FEZF1: variants seen among roughly 807,000 people sequenced by gnomAD.
The protein encoded by FEZF1 is fez family zinc finger protein 1.
FEZF1 carries 8 observed loss-of-function variants against 32.4 expected under a neutral mutation model. The observed-to-expected ratio is 0.25, with a 90% CI of 0.15 to 0.45. The LOEUF is 0.45. Ranked by LOEUF, FEZF1 falls within the 20% of genes least tolerant of loss-of-function variation. FEZF1 has a pLI of 1.00. For synonymous variants in FEZF1, 259 were observed against 265.2 expected (o/e 0.98, Z 0.23); for missense variants, 546 against 622.3 (o/e 0.88, Z 1.31).
chr7:122,304,945 C>A (rs1045236017), upstream of FEZF1: 1 of 149,106 alleles, frequency 6.7e-6, no homozygotes, highest in Non-Finnish European at 1.5e-5. Context: ...CGCACCCCCC[C>A]ATCCCCACCC....
rs908618608 is a variant in FEZF1 at position 122,301,717 on chromosome 7, C to T, written c.*280G>A. 11 of 389,298 alleles carry T rather than the reference C, an allele frequency of 2.8e-5. No homozygotes were observed. The highest frequency in any genetic ancestry group is 2.1e-4 in the African/African-American group (10 of 47,998). 24.1% of individuals were successfully genotyped at this position (389,298 alleles called of 1,614,324 possible). On this transcript the variant is annotated 3_prime_UTR_variant, in exon 4 of 4. Transcript: ENST00000442488. ...CATCTCTCCACCCAAGATGAAAAGT[C>T]TTTCCAAATTAAAAAAAAAGAAAAA... is the stretch of plus-strand genomic sequence containing the variant.
rs2031209876 is a variant in FEZF1 at position 122,304,557 on chromosome 7, T to C, written c.-120A>G. ...ACCATCACCACCAGTAGCCTCCTCC[T>C]CCTCCTCCTCCCCAGCATCACCAGC... On this transcript the variant is annotated 5_prime_UTR_variant, in exon 1 of 4. Coordinates refer to ENST00000442488, the MANE Select transcript of FEZF1 (RefSeq NM_001024613.4). 1 of 726,962 alleles carries C rather than the reference T, an allele frequency of 1.4e-6. No individual in the cohort carries two copies. Among genetic ancestry groups the C allele is most frequent in the Non-Finnish European group, 2.1e-6 (1 of 473,898 alleles). 45.0% of individuals were successfully genotyped at this position (726,962 alleles called of 1,614,324 possible). A position where few individuals can be genotyped will look rare whatever the true frequency, so the allele number is the denominator to read the frequency against.
upstream of FEZF1, chr7:122,304,751 A>G (rs776299032): frequency 2.4e-5 from 8 of 334,316 alleles, no homozygotes; most frequent in Non-Finnish European, 4.0e-5. Flanking sequence ...AAGGTAAACT[A>G]GATAATTGCT....
In FEZF1 at chr7:122,304,661, C is replaced by G; in HGVS notation, c.-224G>C. 1 of 446,826 alleles carries G rather than the reference C, an allele frequency of 2.2e-6. No individual in the cohort carries two copies. 27.7% of individuals were successfully genotyped at this position (446,826 alleles called of 1,614,324 possible). ...GGCGCACCAATGACTCGGGGACAAT[C>G]ACTACTTATTTCTATCAATAGAAAG... On this transcript the variant is annotated 5_prime_UTR_variant, in exon 1 of 4. Transcript: ENST00000442488.
rs1270031744 is a variant in FEZF1, at chr7:122,303,519, A to AGGG, written c.801+117_801+118insCCC. 13 of 494,486 alleles carry AGGG rather than the reference A, an allele frequency of 2.6e-5. 1 individual carries two copies. The highest frequency in any genetic ancestry group is 7.4e-5 in the African/African-American group (3 of 40,394). 30.6% of individuals were successfully genotyped at this position (494,486 alleles called of 1,614,324 possible). A position where few individuals can be genotyped will look rare whatever the true frequency, so the allele number is the denominator to read the frequency against. The stretch of plus-strand genomic sequence containing the variant: ...GAAGGAAGGAAGGAAGGAAGGAAGG[A>AGGG]AGGAAGGAAGGAAGGAAGGAGGGAG... On this transcript the variant is annotated intron_variant, in intron 1 of 3. Coordinates refer to ENST00000442488, the MANE Select transcript of FEZF1 (RefSeq NM_001024613.4).
At chr7:122,308,261 G>A (rs1458613819), upstream of FEZF1, among the ~76,000 whole-genome samples, 1 of 152,070 alleles carries the variant, frequency 6.6e-6, no homozygotes, top group African/African-American at 2.4e-5. Context: ...GCGAGTTTCA[G>A]TGTATGATTT....
rs776213039 is a variant in FEZF1, at chr7:122,304,315, T to A, written c.123A>T (p.Pro41=). 9 of 1,613,138 alleles carry A rather than the reference T, an allele frequency of 5.6e-6. No homozygotes were observed. The Admixed American group carries it at 1.3e-4, about 24-fold the overall frequency. ...GGGGGACTGGCAGGGCCTTGGGCTC[T>A]GGGGTGCGCGCCATGATTCGTTCAA... ...FSIERIMART[P]EPKALPVPHF... Residue 41 remains proline (P), a synonymous_variant, in exon 1 of 4, where the codon CCA becomes CCT. Transcript: ENST00000442488.
chr7:122,309,512 C>A (rs1256598690), upstream of FEZF1: 1 of 152,214 alleles, frequency 6.6e-6, no homozygotes, highest in Non-Finnish European at 1.5e-5. Context: ...GCAATACAGA[C>A]AGCGAGCACT....
rs1322241636 is a variant in FEZF1, at chr7:122,302,140, G to T, written c.1285C>A (p.Leu429Met). 3.1e-6 allele frequency: 5 copies of T among 1,614,154 alleles called. No individual in the cohort carries two copies. The Admixed American group carries it at 8.3e-5, about 27-fold the overall frequency. ...GGTTCGCCAGCTGGCGTGCGGGCCAGCCCCAGGCTGCTGTCGTGCAGCTTG... is the reference window on the plus strand; with the variant it reads ...GGTTCGCCAGCTGGCGTGCGGGCCATCCCCAGGCTGCTGTCGTGCAGCTTG... ...VRKLHDSSLG[L>M]ARTPAGEPGT... Residue 429 changes from leucine to methionine, a missense_variant, in exon 4 of 4, where the codon CTG becomes ATG. Leu to Met is a conservative substitution (Grantham distance 15, BLOSUM62 2). This residue lies in a region of FEZF1 where 83 missense variants were observed against 73.0 expected (regional missense o/e 1.14). Coordinates refer to ENST00000442488, the MANE Select transcript of FEZF1 (RefSeq NM_001024613.4). This position sits in a 1 kb window ranked among gnomAD's most constrained non-coding sequence, Gnocchi z 4.4.
chr7:122,302,223 G>T lies in FEZF1; in HGVS notation c.1202C>A (p.Thr401Asn), dbSNP rs746150596. 6.2e-7 allele frequency: 1 copy of T among 1,614,112 alleles called. No homozygotes were observed. The highest frequency in any genetic ancestry group is 8.5e-7 in the Non-Finnish European group (1 of 1,180,050). ...GAAACCCTTGCCGCACGTGGGGCAG[G>T]TGAAAGGCTTCTTGTCGTTGTGGGT... ...MHTHNDKKPF[T>N]CPTCGKGFCR... Residue 401 changes from threonine (T) to asparagine (N), a missense_variant, in exon 4 of 4, where the codon ACC becomes AAC. Coordinates refer to ENST00000442488, the MANE Select transcript of FEZF1 (RefSeq NM_001024613.4). The surrounding 1 kb of genome is among the most constrained non-coding windows in gnomAD (Gnocchi z 4.4).
Position 122,303,627 on chromosome 7 carries a change from T to A in FEZF1, c.801+10A>T, listed in dbSNP as rs62476008. 30,410 of 1,576,838 alleles carry A rather than the reference T, an allele frequency of 0.019. 473 individuals carry two copies. Among genetic ancestry groups the A allele is most frequent in the Non-Finnish European group, 0.023 (26,246 of 1,147,434 alleles). On this transcript the variant is annotated intron_variant, in intron 1 of 3. Coordinates refer to ENST00000442488, the MANE Select transcript of FEZF1 (RefSeq NM_001024613.4). ...GGAAGGAAAGGATCTCCGTTTTGCA[T>A]TGTACTTGCCTTTCCACACACTTCG...
rs2031214743 is a variant in FEZF1, at chr7:122,304,718, C to T, written c.-281G>A. ...GTCAATAACGCAGCCAAGATCTCGC[C>T]AATCGTTAACTTCCAAGAGGAGAAG... On this transcript the variant is annotated 5_prime_UTR_variant, in exon 1 of 4. Coordinates refer to ENST00000442488, the MANE Select transcript of FEZF1 (RefSeq NM_001024613.4). 1 of 389,638 alleles carries T rather than the reference C, an allele frequency of 2.6e-6. No individual in the cohort carries two copies. Among genetic ancestry groups the T allele is most frequent in the Non-Finnish European group, 4.7e-6 (1 of 211,202 alleles). 24.1% of individuals were successfully genotyped at this position (389,638 alleles called of 1,614,324 possible). A position where few individuals can be genotyped will look rare whatever the true frequency, so the allele number is the denominator to read the frequency against.
At chr7:122,308,867 A>C (rs910491660), upstream of FEZF1, among the ~76,000 whole-genome samples, 1 of 149,202 alleles carries the variant, frequency 6.7e-6, no homozygotes, top group Non-Finnish European at 1.5e-5. Context: ...ATCACCCCCC[A>C]CCCCAGCCTT....
chr7:122,303,345 G>C, intron 1 of FEZF1, 34 bp from the exon 2 acceptor site: 1 of 1,611,300 alleles, frequency 6.2e-7, no homozygotes, highest in East Asian at 2.2e-5. Flanking sequence ...CAGGTTAGCC[G>C]CACAAGTAAC....
Position 122,303,303 on chromosome 7 carries a change from A to G in FEZF1, c.810T>C (p.Asn270=). 1 of 1,614,080 alleles carries G rather than the reference A, an allele frequency of 6.2e-7. No individual in the cohort carries two copies. The highest frequency in any genetic ancestry group is 8.5e-7 in the Non-Finnish European group (1 of 1,180,028). ...FTCEVCGKVF[N]AHYNLTRHMP... Reference sequence around the variant, plus strand: ...TGTGACGGGTTAAGTTATAGTGCGCATTAAAGACCTTAAAATTAAACACAC... The same window carrying G: ...TGTGACGGGTTAAGTTATAGTGCGCGTTAAAGACCTTAAAATTAAACACAC... The change falls in exon 2 of 4, where the codon AAT becomes AAC. Residue 270 remains asparagine, a synonymous_variant. Transcript: ENST00000442488.
In FEZF1 at chr7:122,304,047, G is replaced by A. The variant is rs766004411; in HGVS notation, c.391C>T (p.Leu131=). 1.0e-5 allele frequency: 16 copies of A among 1,558,638 alleles called. No homozygotes were observed. The Middle Eastern group carries it at 5.0e-4, about 48-fold the overall frequency. Residue 131 remains leucine (L), a synonymous_variant, in exon 1 of 4, where the codon CTG becomes TTG. Transcript: ENST00000442488. ...LNCALSLKGD[L]ARDALPLQQY... ...TGCAGCGGCAGCGCGTCGCGGGCCA[G>A]GTCGCCCTTGAGACTCAGTGCGCAG...
chr7:122,310,469 T>G (rs1390140634), exon 1 of FEZF1: 2 of 151,990 alleles, frequency 1.3e-5, no homozygotes, highest in Non-Finnish European at 2.9e-5. Flanking sequence ...TGCTCACGAG[T>G]TCCAAACAGT....
At chr7:122,306,976 CT>C (rs2031300237), upstream of FEZF1, 1 of 152,228 alleles carries the variant, frequency 6.6e-6, no homozygotes, top group South Asian at 2.1e-4. Context: ...TTTTTCTTTC[CT>C]TTTGCTGGGG....
Position 122,303,239 on chromosome 7 carries a change from C to T in FEZF1, c.874G>A (p.Val292Met). The change falls in exon 2 of 4, where the codon GTG becomes ATG. Residue 292 changes from valine (V) to methionine (M), a missense_variant. Physicochemically the swap from Val to Met is conservative, Grantham distance 21 (BLOSUM62 1). This residue lies in a region of FEZF1 where 118 missense variants were observed against 188.7 expected (regional missense o/e 0.63). Coordinates refer to ENST00000442488, the MANE Select transcript of FEZF1 (RefSeq NM_001024613.4). The part of the protein sequence containing the change: ...HTGARPFVCK[V>M]CGKGFRQAST... ...GCTTGCCTGAAACCTTTTCCGCACA[C>T]TTTGCAAACGAAGGGTCTGGCTCCT... 6.2e-7 allele frequency: 1 copy of T among 1,614,134 alleles called. No homozygotes were observed.
Sources: gnomAD v4.1 joint callset for allele counts (sites outside exome capture counted in the v4.1 genomes callset) on GRCh38, gnomAD v4.1.1 for gene constraint, gnomAD v4.1.1 regional missense constraint, Gnocchi (gnomAD v3.1) non-coding constraint, MANE v1.5 for transcripts, NCBI Gene and HGNC (gene_info 2026-07-23, HGNC 2026-07-21) for gene names.